SAMD12: variants seen among roughly 807,000 people sequenced by gnomAD.
The protein encoded by SAMD12 is sterile alpha motif domain-containing protein 12.
In SAMD12, 9 loss-of-function variants were observed where a neutral mutation model predicts 15.0. That is an observed-to-expected ratio of 0.60 (90% CI 0.36 to 1.05). The LOEUF is 1.05. Among genes scored for constraint, SAMD12 ranks in the 50% least tolerant of loss-of-function variants. The pLI, the probability that SAMD12 is intolerant of heterozygous loss-of-function variation, is 0.01. For synonymous variants in SAMD12, 86 were observed against 90.1 expected (o/e 0.96, Z 0.25); for missense variants, 230 against 234.2 (o/e 0.98, Z 0.12).
the SAMD12 span, among the ~76,000 whole-genome samples, chr8:118,158,944 C>A: frequency 1.3e-5 from 2 of 152,104 alleles, no homozygotes; most frequent in African/African-American, 2.4e-5. Flanking sequence ...CACCTCTTTG[C>A]CTTGCTCACC....
At chr8:118,304,468 C>G (rs1295911220) in intron 4 of SAMD12, among the ~76,000 whole-genome samples, 2 of 152,136 alleles carry the variant, frequency 1.3e-5, no homozygotes, top group African/African-American at 4.8e-5. Context: ...ATAAGAACCT[C>G]TTTTTAAAAA....
At chr8:118,512,941 A>G (rs1294008425) in intron 2 of SAMD12, among the ~76,000 whole-genome samples, 1 of 152,220 alleles carries the variant, frequency 6.6e-6, no homozygotes, top group African/African-American at 2.4e-5. Flanking sequence ...AACGCATGTG[A>G]AAGATGTTTT....
At chr8:118,159,160 G>C in the SAMD12 span, among the ~76,000 whole-genome samples, 1 of 152,110 alleles carries the variant, frequency 6.6e-6, no homozygotes, top group Non-Finnish European at 1.5e-5. Context: ...AGGGAGCCCA[G>C]ACCTAGAAAC....
At chr8:118,257,709 T>C (rs549722398) in intron 4 of SAMD12, among the ~76,000 whole-genome samples, 1 of 152,068 alleles carries the variant, frequency 6.6e-6, no homozygotes, top group Non-Finnish European at 1.5e-5. Context: ...TGATCAGTCT[T>C]AGCCTTCTTT....
At chr8:118,236,964 A>G (rs1390299570) in intron 4 of SAMD12, among the ~76,000 whole-genome samples, 1 of 152,086 alleles carries the variant, frequency 6.6e-6, no homozygotes, top group Non-Finnish European at 1.5e-5. Context: ...CACAAGACTG[A>G]CCCCATGGCT....
At chr8:118,227,480 A>G (rs1333309049) in intron 4 of SAMD12, among the ~76,000 whole-genome samples, 1 of 152,072 alleles carries the variant, frequency 6.6e-6, no homozygotes, top group African/African-American at 2.4e-5. Flanking sequence ...GAGTGTACCT[A>G]TGTAACAAAC....
At chr8:118,486,724 TA>T (rs60693787) in intron 2 of SAMD12, among the ~76,000 whole-genome samples, 2 of 151,788 alleles carry the variant, frequency 1.3e-5, no homozygotes, top group Non-Finnish European at 1.5e-5. Flanking sequence ...CTAAATAACG[TA>T]AAAAAATATA....
In SAMD12 at chr8:118,413,072, C is replaced by A. The variant is rs546448222; in HGVS notation, c.322+26760G>T. Among the ~76,000 whole-genome samples the A allele has an allele frequency of 3.2e-4, 48 of 152,174 alleles. 1 individual carries two copies. In the South Asian group the frequency reaches 9.6e-3, roughly 30 times the overall value. ...GAGGGCAAGAAGCAAAGCAGAGGAC[C>A]CCAATTGTTCCCAACATACTGGTAG... On this transcript the variant is annotated intron_variant, in intron 3 of 3. Transcript: ENST00000314727.
chr8:118,584,922 T>TATACAC (rs1554590578), intron 1 of SAMD12, among the ~76,000 whole-genome samples: 5,772 of 146,970 alleles, frequency 0.039, 133 homozygotes, highest in African/African-American at 0.065. Context: ...CTTGTAGGTA[T>TATACAC]ACACACACAC....
chr8:118,291,838 G>C (rs918295210), intron 4 of SAMD12, among the ~76,000 whole-genome samples: 4 of 150,782 alleles, frequency 2.7e-5, no homozygotes, highest in African/African-American at 7.3e-5. Flanking sequence ...TCCATAGAGT[G>C]ACTTTGGAAG....
At chr8:118,416,585 G>A (rs554489052) in intron 3 of SAMD12, among the ~76,000 whole-genome samples, 3 of 152,276 alleles carry the variant, frequency 2.0e-5, no homozygotes, top group South Asian at 4.1e-4. Flanking sequence ...ATTGTCCTAC[G>A]TGAAAATCAA....
At chr8:118,546,093 C>A (rs567494284) in intron 2 of SAMD12, among the ~76,000 whole-genome samples, 4 of 152,180 alleles carry the variant, frequency 2.6e-5, no homozygotes, top group Non-Finnish European at 5.9e-5. Context: ...TGCCATCATT[C>A]CTGCCTTCAC....
intron 2 of SAMD12, among the ~76,000 whole-genome samples, chr8:118,564,942 C>T (rs59481129): frequency 0.017 from 2,592 of 152,246 alleles, 83 homozygotes; most frequent in African/African-American, 0.058. Context: ...TTGGAAATTG[C>T]ACTGGGGTTT....
At chr8:118,320,755 A>C (rs564989568) in intron 4 of SAMD12, among the ~76,000 whole-genome samples, 1 of 151,472 alleles carries the variant, frequency 6.6e-6, no homozygotes, top group African/African-American at 2.4e-5. Flanking sequence ...AACACGGTAC[A>C]TGTATATATA....
intron 2 of SAMD12, among the ~76,000 whole-genome samples, chr8:118,525,778 A>T (rs1825520371): frequency 6.6e-6 from 1 of 152,180 alleles, no homozygotes; most frequent in Non-Finnish European, 1.5e-5. Flanking sequence ...CTGTACTCCT[A>T]AAGCAGCTCA....
chr8:118,553,319 G>T (rs1441427636), intron 2 of SAMD12, among the ~76,000 whole-genome samples: 1 of 152,088 alleles, frequency 6.6e-6, no homozygotes, highest in Non-Finnish European at 1.5e-5. Context: ...GCATGGTACT[G>T]GTACCGAAAC....
chr8:118,215,191 C>A (rs1322310072), intron 4 of SAMD12, among the ~76,000 whole-genome samples: 11 of 152,152 alleles, frequency 7.2e-5, no homozygotes, highest in Non-Finnish European at 8.8e-5. Flanking sequence ...AAATCCAGCC[C>A]ACTCCTGTTT....
At chr8:118,290,008 C>T (rs1814276916) in intron 4 of SAMD12, among the ~76,000 whole-genome samples, 1 of 152,144 alleles carries the variant, frequency 6.6e-6, no homozygotes, top group Admixed American at 6.6e-5. Context: ...TTTCTATGAT[C>T]AAACAGAAGG....
the SAMD12 span, among the ~76,000 whole-genome samples, chr8:118,183,987 C>A: frequency 1.3e-5 from 2 of 152,040 alleles, no homozygotes; most frequent in Admixed American, 1.3e-4. Context: ...ATGATAATAT[C>A]CAACAGAATA....
Sources: allele counts gnomAD v4.1 joint callset (sites outside exome capture counted in the v4.1 genomes callset), GRCh38; gene constraint gnomAD v4.1.1; transcripts MANE v1.5; gene names NCBI Gene and HGNC (gene_info 2026-07-23, HGNC 2026-07-21).